The following NELL1 variants were observed in gnomAD, a reference collection of about 807,000 sequenced individuals.
NELL1 encodes neural EGFL like 1.
Under a neutral mutation model 107.4 loss-of-function variants are expected in NELL1, and 76 were observed. That is an observed-to-expected ratio of 0.71 (90% CI 0.59 to 0.86). The LOEUF (loss-of-function observed/expected upper bound fraction) is 0.86, where lower values mean the gene tolerates loss of function less well. Ranked by LOEUF, NELL1 falls within the 40% of genes least tolerant of loss-of-function variation. The pLI is 0.00. For missense variants in NELL1, 1,024 were observed against 1,005.5 expected (o/e 1.02, Z -0.25); for synonymous variants, 353 against 341.2 (o/e 1.03, Z -0.38).
chr11:21,567,502 A>C (rs535464994), intron 17 of NELL1, among the ~76,000 whole-genome samples: 13 of 151,804 alleles, frequency 8.6e-5, no homozygotes, highest in African/African-American at 3.1e-4. Flanking sequence ...ATAATCTTTC[A>C]TCTCTTGATA....
At chr11:21,431,028 A>G (rs955982902) in intron 15 of NELL1, among the ~76,000 whole-genome samples, 2 of 152,188 alleles carry the variant, frequency 1.3e-5, no homozygotes, top group Non-Finnish European at 2.9e-5. Flanking sequence ...GTGACTTCCC[A>G]ATTCAAAACA....
intron 10 of NELL1, 100 bp downstream of exon 10, chr11:20,937,959 A>G: frequency 1.8e-6 from 2 of 1,093,146 alleles, no homozygotes; most frequent in African/African-American, 1.5e-5. Context: ...TGGCCTGGAT[A>G]GGGCCCCGAG....
chr11:20,755,558 T>TATTTTTTTTTTTTTTTA (rs1564895070), intron 2 of NELL1, among the ~76,000 whole-genome samples: 4 of 16,456 alleles, frequency 2.4e-4, no homozygotes, highest in Middle Eastern at 0.083. Flanking sequence ...TTGTTTTTGT[T>TATTTTTTTTTTTTTTTA]TTTGTTTTTT....
At position 21,226,973 on chromosome 11, in the gene NELL1, T is replaced by C. The variant is rs368608425; in HGVS notation, c.1427-2359T>C. Among the ~76,000 whole-genome samples, 11 of 152,226 alleles carry C rather than the reference T, an allele frequency of 7.2e-5. No individual in the cohort carries two copies. In the East Asian group the frequency reaches 2.1e-3, roughly 29 times the overall value. ...TCGTACATTTGTAGGACAGCAAAGA[T>C]GCCACCTCATTAGAGAAAAAGATTT... is the stretch of plus-strand genomic sequence containing the variant. On this transcript the variant is annotated intron_variant, in intron 13 of 19. Coordinates refer to ENST00000357134, the MANE Select transcript of NELL1 (RefSeq NM_006157.5).
At chr11:21,150,638 C>T (rs1054217237) in intron 13 of NELL1, among the ~76,000 whole-genome samples, 2 of 152,118 alleles carry the variant, frequency 1.3e-5, no homozygotes, top group African/African-American at 2.4e-5. Flanking sequence ...GCATTGTTCT[C>T]AATCTTGTCT....
At chr11:20,916,397 G>A (rs1218538741) in intron 5 of NELL1, among the ~76,000 whole-genome samples, 1 of 151,918 alleles carries the variant, frequency 6.6e-6, no homozygotes, top group Non-Finnish European at 1.5e-5. Context: ...AAGGAAAACT[G>A]CTGTGTGCTG....
intron 12 of NELL1, among the ~76,000 whole-genome samples, chr11:21,086,767 A>T (rs1854400606): frequency 6.6e-6 from 1 of 152,216 alleles, no homozygotes. Flanking sequence ...GCAGATAGAA[A>T]AAACCTTGAA....
At chr11:21,549,003 T>C (rs1011729814) in intron 16 of NELL1, among the ~76,000 whole-genome samples, 6 of 151,552 alleles carry the variant, frequency 4.0e-5, no homozygotes. Context: ...ATCCTGACTA[T>C]ATTATTAACT....
chr11:20,691,963 C>G (rs1854479457), intron 2 of NELL1, among the ~76,000 whole-genome samples: 1 of 152,048 alleles, frequency 6.6e-6, no homozygotes. Flanking sequence ...AATTTCAGAT[C>G]CTGTTATTGG....
chr11:20,828,242 C>T (rs1233779770), intron 3 of NELL1, among the ~76,000 whole-genome samples: 1 of 151,296 alleles, frequency 6.6e-6, no homozygotes, highest in Non-Finnish European at 1.5e-5. Context: ...CAATAATTGT[C>T]AAATGTTATT....
intron 3 of NELL1, among the ~76,000 whole-genome samples, chr11:20,798,564 G>A (rs1857220473): frequency 6.6e-6 from 1 of 152,118 alleles, no homozygotes; most frequent in South Asian, 2.1e-4. Flanking sequence ...TGCATTTCTG[G>A]GTAACATGCA....
chr11:21,074,660 G>A lies in NELL1; in HGVS notation c.1301-38929G>A, dbSNP rs1283049039. 2.6e-5 allele frequency among the ~76,000 whole-genome samples: 3 copies of A among 115,706 alleles called. No homozygotes were observed. The Admixed American group carries it at 2.9e-4, about 11-fold the overall frequency. The allele number at this position is 115,706 out of a possible 152,430, so 75.9% of individuals were successfully genotyped here. A position where few individuals can be genotyped will look rare whatever the true frequency, so the allele number is the denominator to read the frequency against. On this transcript the variant is annotated intron_variant, in intron 12 of 19. Coordinates refer to ENST00000357134, the MANE Select transcript of NELL1 (RefSeq NM_006157.5). ...GAGATACTGATTTAATTAGCCTTGG[G>A]TGGAATTTACACATGTGTTTTTTTT...
intron 14 of NELL1, among the ~76,000 whole-genome samples, chr11:21,241,148 T>A (rs1858347684): frequency 6.6e-6 from 1 of 152,132 alleles, no homozygotes. Flanking sequence ...TGTTTTCCTT[T>A]CCTTAGTAAC....
At chr11:20,873,895 C>T (rs537752240) in intron 4 of NELL1, among the ~76,000 whole-genome samples, 1 of 152,036 alleles carries the variant, frequency 6.6e-6, no homozygotes, top group African/African-American at 2.4e-5. Context: ...TCCCCAGTAG[C>T]TTGGGCTACA....
At chr11:21,406,733 A>T (rs902709309) in intron 15 of NELL1, among the ~76,000 whole-genome samples, 4 of 152,046 alleles carry the variant, frequency 2.6e-5, no homozygotes, top group African/African-American at 9.7e-5. Context: ...TCTGGGGTAC[A>T]TGTGATATTC....
intron 15 of NELL1, among the ~76,000 whole-genome samples, chr11:21,397,943 G>C (rs575264964): frequency 6.6e-6 from 1 of 151,312 alleles, no homozygotes; most frequent in East Asian, 2.0e-4. Flanking sequence ...CCTTGATCTT[G>C]GACTCTTCTG....
At chr11:20,898,578 A>T (rs1849802940) in intron 5 of NELL1, among the ~76,000 whole-genome samples, 1 of 152,058 alleles carries the variant, frequency 6.6e-6, no homozygotes, top group African/African-American at 2.4e-5. Flanking sequence ...AATAAAAAAA[A>T]AAGTGTTCTC....
chr11:21,176,948 TCA>T lies in NELL1; in HGVS notation c.1427-52383_1427-52382del, dbSNP rs1047340162. Among the ~76,000 whole-genome samples, 359 of 151,818 alleles carry T rather than the reference TCA, an allele frequency of 2.4e-3. 4 individuals are homozygous for T. Among genetic ancestry groups the T allele is most frequent in the African/African-American group, 8.4e-3 (346 of 41,146 alleles). ...ATGTTATTTGGTCAAGTCGAGTTCT[TCA>T]GTTTTTTTAATTTTTATTTTTAATT... On this transcript the variant is annotated intron_variant, in intron 13 of 19. Transcript: ENST00000357134.
At chr11:21,030,374 A>G (rs1316663194) in intron 12 of NELL1, among the ~76,000 whole-genome samples, 1 of 152,178 alleles carries the variant, frequency 6.6e-6, no homozygotes, top group East Asian at 1.9e-4. Context: ...CAGCAGTTAT[A>G]CATGAAATGT....
Sources: gnomAD v4.1 joint callset for allele counts (sites outside exome capture counted in the v4.1 genomes callset) on GRCh38, gnomAD v4.1.1 for gene constraint, MANE v1.5 for transcripts, NCBI Gene and HGNC (gene_info 2026-07-23, HGNC 2026-07-21) for gene names.